The following TMEM200A variants were observed in gnomAD, a reference collection of about 807,000 sequenced individuals.
TMEM200A encodes the protein transmembrane protein 200A.
A neutral mutation model predicts 24.3 loss-of-function variants in TMEM200A; 12 were observed. The ratio of observed to expected loss-of-function variants is 0.49; its 90% confidence interval spans 0.32 to 0.80. The LOEUF (loss-of-function observed/expected upper bound fraction) is 0.80, where lower values mean the gene tolerates loss of function less well. TMEM200A is among the 30% of genes least tolerant of loss of function. The probability of loss-of-function intolerance (pLI) is 0.04; values close to 1 mark genes in which losing one functional copy is unlikely to be tolerated. For missense variants in TMEM200A, 545 were observed against 614.4 expected, an observed-to-expected ratio of 0.89 and a Z score of 1.19; for synonymous variants, 224 against 224.4, an observed-to-expected ratio of 1.00 and a Z score of 0.02.
At chr6:130,428,260 AG>A (rs1779794401) in intron 2 of TMEM200A, among the ~76,000 whole-genome samples, 1 of 152,124 alleles carries the variant, frequency 6.6e-6, no homozygotes, top group South Asian at 2.1e-4. Context: ...TTCAAAGAAG[AG>A]GTTGTTTTTA....
At chr6:130,425,235 G>GC in intron 2 of TMEM200A, among the ~76,000 whole-genome samples, 1 of 151,608 alleles carries the variant, frequency 6.6e-6, no homozygotes, top group Non-Finnish European at 1.5e-5. Flanking sequence ...CATCACAAGA[G>GC]TTTAAAAGTC....
chr6:130,441,517 C>G lies in TMEM200A; in HGVS notation c.1095C>G (p.Leu365=). The G allele has an allele frequency of 6.2e-7, 1 of 1,614,052 alleles. No individual in the cohort carries two copies. The highest frequency in any genetic ancestry group is 1.1e-5 in the South Asian group (1 of 91,072). Residue 365 remains leucine (L), a synonymous_variant, in exon 3 of 3, where the codon CTC becomes CTG. Transcript: ENST00000296978. The part of the protein sequence containing the change: ...LSSQYKSSMA[L]GPGAGQLLSP... ...GTCAGTACAAGTCATCTATGGCTCT[C>G]GGACCTGGGGCTGGACAGCTCTTGT...
chr6:130,438,216 A>G (rs1472347071), intron 2 of TMEM200A: 1 of 152,244 alleles, frequency 6.6e-6, no homozygotes, highest in African/African-American at 2.4e-5. Context: ...GACTAGAGCA[A>G]CAGATTACAA....
intron 2 of TMEM200A, among the ~76,000 whole-genome samples, chr6:130,385,527 A>G (rs1200163933): frequency 6.6e-6 from 1 of 152,228 alleles, no homozygotes; most frequent in Non-Finnish European, 1.5e-5. Context: ...TTTATAGAGT[A>G]GGCTGTTTTA....
rs1285920510 is a variant in TMEM200A, at chr6:130,442,650, A to G, written c.*752A>G. On this transcript the variant is annotated 3_prime_UTR_variant, in exon 3 of 3. Coordinates refer to ENST00000296978, the MANE Select transcript of TMEM200A (RefSeq NM_001258277.2). ...CTGACTTGATAAACTAAATGAACCA[A>G]TAAAATTTGTAGAAATGCTATCCTG... is the stretch of plus-strand genomic sequence containing the variant. 2 of 166,756 alleles carry G rather than the reference A, an allele frequency of 1.2e-5. No individual in the cohort carries two copies. Among genetic ancestry groups the G allele is most frequent in the Non-Finnish European group, 2.9e-5 (2 of 68,080 alleles). The allele number at this position is 166,756 out of a possible 1,614,324, so 10.3% of individuals were successfully genotyped here.
At chr6:130,373,776 A>G (rs1778375727) in intron 1 of TMEM200A, among the ~76,000 whole-genome samples, 1 of 152,180 alleles carries the variant, frequency 6.6e-6, no homozygotes, top group African/African-American at 2.4e-5. Context: ...AGGGTATGAA[A>G]ATTTCAGGCT....
intron 2 of TMEM200A, among the ~76,000 whole-genome samples, chr6:130,432,894 A>G (rs1291790244): frequency 6.6e-6 from 1 of 152,150 alleles, no homozygotes; most frequent in Non-Finnish European, 1.5e-5. Context: ...AGGTTGATTC[A>G]TTGTTCAAAT....
intron 1 of TMEM200A, among the ~76,000 whole-genome samples, chr6:130,382,784 T>C (rs765177894): frequency 6.6e-5 from 10 of 152,168 alleles, no homozygotes; most frequent in Admixed American, 1.3e-4. Context: ...TGGAGACTAG[T>C]GGATGGATTC....
In TMEM200A at chr6:130,441,543, C is replaced by G. The variant is rs1422948849; in HGVS notation, c.1121C>G (p.Ser374Cys). The G allele has an allele frequency of 6.2e-7, 1 of 1,613,914 alleles. No homozygotes were observed. The highest frequency in any genetic ancestry group is 1.3e-5 in the African/African-American group (1 of 74,918). The change falls in exon 3 of 3, where the codon TCT becomes TGT. Residue 374 changes from serine (S) to cysteine (C), a missense_variant. Physicochemically the swap from Ser to Cys is moderately radical, Grantham distance 112 (BLOSUM62 -1). Coordinates refer to ENST00000296978, the MANE Select transcript of TMEM200A (RefSeq NM_001258277.2). ...ALGPGAGQLLSPGAARRQFGS... is the reference protein window; with the variant it reads ...ALGPGAGQLLCPGAARRQFGS... The stretch of plus-strand genomic sequence containing the variant: ...GGACCTGGGGCTGGACAGCTCTTGT[C>G]TCCTGGGGCTGCCAGAAGACAGTTT...
chr6:130,399,457 G>A (rs895312746), intron 2 of TMEM200A, among the ~76,000 whole-genome samples: 4 of 151,896 alleles, frequency 2.6e-5, no homozygotes, highest in Admixed American at 6.6e-5. Flanking sequence ...TATTCATGGC[G>A]TTTTCCTCAG....
chr6:130,410,680 C>T (rs368506966), intron 2 of TMEM200A, among the ~76,000 whole-genome samples: 7 of 152,270 alleles, frequency 4.6e-5, no homozygotes, highest in Non-Finnish European at 2.9e-5. Flanking sequence ...GAAAACATGA[C>T]AAGAATTAGC....
At chr6:130,374,219 G>A (rs7771106) in intron 1 of TMEM200A, among the ~76,000 whole-genome samples, 34,644 of 151,896 alleles carry the variant, frequency 0.23, 5,139 homozygotes, top group African/African-American at 0.42. Flanking sequence ...TGACAGCCCC[G>A]CCTCTGTAGC....
At chr6:130,439,179 G>A (rs1780093713) in intron 2 of TMEM200A, 1 of 152,184 alleles carries the variant, frequency 6.6e-6, no homozygotes, top group African/African-American at 2.4e-5. Flanking sequence ...AACAACTTCA[G>A]AGATGATTGA....
chr6:130,380,541 C>T (rs970410605), intron 1 of TMEM200A, among the ~76,000 whole-genome samples: 17 of 152,204 alleles, frequency 1.1e-4, no homozygotes, highest in African/African-American at 2.2e-4. Flanking sequence ...TTAAAGTTGA[C>T]GAGAAAAGAC....
intron 1 of TMEM200A, among the ~76,000 whole-genome samples, chr6:130,376,128 T>C (rs192989126): frequency 1.7e-4 from 26 of 152,258 alleles, no homozygotes; most frequent in African/African-American, 5.8e-4. Context: ...TATTGACTTG[T>C]ACATTATATA....
chr6:130,378,512 A>T (rs1778517899), intron 1 of TMEM200A, among the ~76,000 whole-genome samples: 1 of 151,912 alleles, frequency 6.6e-6, no homozygotes. Context: ...TCACGAGGTC[A>T]GGAGATCGAG....
intron 1 of TMEM200A, among the ~76,000 whole-genome samples, chr6:130,380,405 T>A (rs777026275): frequency 1.6e-4 from 25 of 152,296 alleles, no homozygotes; most frequent in Non-Finnish European, 2.8e-4. Context: ...AAGCCACAAA[T>A]AAAAGTTTAA....
intron 2 of TMEM200A, among the ~76,000 whole-genome samples, chr6:130,434,191 C>A (rs1006562320): frequency 6.6e-6 from 1 of 152,188 alleles, no homozygotes; most frequent in Admixed American, 6.5e-5. Flanking sequence ...ACTTACTGAG[C>A]ATTTAGTATA....
At chr6:130,389,936 C>T (rs7773055) in intron 2 of TMEM200A, among the ~76,000 whole-genome samples, 8,359 of 152,158 alleles carry the variant, frequency 0.055, 762 homozygotes, top group African/African-American at 0.19. Context: ...AACAATTAGC[C>T]GGGTAAAAAT....
Sources: allele counts gnomAD v4.1 joint callset (sites outside exome capture counted in the v4.1 genomes callset), GRCh38; gene constraint gnomAD v4.1.1; transcripts MANE v1.5; gene names NCBI Gene and HGNC (gene_info 2026-07-23, HGNC 2026-07-21).